ASAP1: variants seen among roughly 807,000 people sequenced by gnomAD.
ASAP1 encodes the protein ArfGAP with SH3 domain, ankyrin repeat and PH domain 1, also known as arf-GAP with SH3 domain, ANK repeat and PH domain-containing protein 1.
A neutral mutation model predicts 145.2 loss-of-function variants in ASAP1; 43 were observed. The ratio of observed to expected loss-of-function variants is 0.30; its 90% CI spans 0.23 to 0.38. ASAP1 has a LOEUF of 0.38. Ranked by LOEUF, ASAP1 falls within the 10% of genes least tolerant of loss-of-function variation. The pLI is 1.00. For synonymous variants in ASAP1, 546 were observed against 515.5 expected (o/e 1.06, Z -0.80); for missense variants, 1,018 against 1,355.3 (o/e 0.75, Z 3.91).
chr8:130,256,396 G>A, intron 3 of ASAP1, among the ~76,000 whole-genome samples: 1 of 148,358 alleles, frequency 6.7e-6, no homozygotes. Flanking sequence ...CATCTGCAGA[G>A]GATCTGGGGG....
chr8:130,296,374 GGCACACA>G (rs1822274434), intron 3 of ASAP1, among the ~76,000 whole-genome samples: 1 of 152,204 alleles, frequency 6.6e-6, no homozygotes, highest in Admixed American at 6.5e-5. Flanking sequence ...GTTCAACAAA[GGCACACA>G]GAGCTCGGGC....
At chr8:130,187,094 G>C (rs995486820) in intron 7 of ASAP1, 142 bp downstream of exon 7, 2 of 674,476 alleles carry the variant, frequency 3.0e-6, no homozygotes, top group South Asian at 3.9e-5. Flanking sequence ...GGATATGCTA[G>C]AGGATATACT....
intron 1 of ASAP1, among the ~76,000 whole-genome samples, chr8:130,406,710 T>C (rs1829047460): frequency 6.6e-6 from 1 of 152,162 alleles, no homozygotes; most frequent in African/African-American, 2.4e-5. Context: ...CTCGAACTCC[T>C]GACCTCAGGT....
chr8:130,298,785 C>G (rs958324755), intron 3 of ASAP1, among the ~76,000 whole-genome samples: 1 of 152,182 alleles, frequency 6.6e-6, no homozygotes, highest in Non-Finnish European at 1.5e-5. Flanking sequence ...TTCTTTGACT[C>G]GGGAGACAAG....
intron 3 of ASAP1, among the ~76,000 whole-genome samples, chr8:130,313,629 C>G (rs1490863414): frequency 2.6e-5 from 4 of 152,070 alleles, no homozygotes; most frequent in Non-Finnish European, 5.9e-5. Context: ...TCAACGTCCT[C>G]ACAGAAAAGC....
chr8:130,078,645 A>G (rs2097470466), intron 26 of ASAP1, among the ~76,000 whole-genome samples: 1 of 152,138 alleles, frequency 6.6e-6, no homozygotes. Context: ...TGGAAAAAGA[A>G]CACCAGAACT....
At chr8:130,380,840 CCTGAGTAG>C (rs2138385303) in intron 2 of ASAP1, among the ~76,000 whole-genome samples, 1 of 152,216 alleles carries the variant, frequency 6.6e-6, no homozygotes, top group Admixed American at 6.5e-5. Flanking sequence ...GCCTCAGATT[CCTGAGTAG>C]CTGGGAGTAC....
At chr8:130,363,511 T>C (rs976432088) in intron 2 of ASAP1, among the ~76,000 whole-genome samples, 1 of 152,250 alleles carries the variant, frequency 6.6e-6, no homozygotes, top group Non-Finnish European at 1.5e-5. Context: ...ATAAAGTAAG[T>C]ATATTTATCC....
chr8:130,361,885 ACAT>A, intron 2 of ASAP1: 1 of 741,990 alleles, frequency 1.3e-6, no homozygotes, highest in Non-Finnish European at 2.4e-6. Flanking sequence ...GTGCGCACAC[ACAT>A]ATTTGTGTGC....
chr8:130,118,718 A>G (rs765403674), intron 18 of ASAP1, 43 bp from the exon 19 acceptor site: 1 of 1,318,924 alleles, frequency 7.6e-7, no homozygotes, highest in Non-Finnish European at 1.0e-6. Context: ...TCCAAGTGCT[A>G]GGAAAGGTTT....
rs969608792 is a variant in ASAP1 at position 130,358,377 on chromosome 8, C to T, written c.60-234G>A. 6.7e-6 allele frequency among the ~76,000 whole-genome samples: 1 copy of T among 148,338 alleles called. No homozygotes were observed. Among genetic ancestry groups the T allele is most frequent in the Non-Finnish European group, 1.5e-5 (1 of 66,460 alleles). On this transcript the variant is annotated intron_variant, in intron 2 of 29. Transcript: ENST00000518721. The surrounding 1 kb of genome is among the most constrained non-coding windows in gnomAD (Gnocchi z 4.1). ...GCGCGGGGCCCTTCAAACTCCAAGC[C>T]GCGCGCGAGGCAGGGGGCTCTCCGG... is the stretch of plus-strand genomic sequence containing the variant.
intron 3 of ASAP1, among the ~76,000 whole-genome samples, chr8:130,268,291 G>T (rs1222484886): frequency 6.6e-6 from 1 of 152,086 alleles, no homozygotes; most frequent in Non-Finnish European, 1.5e-5. Flanking sequence ...CTCGAGACCA[G>T]CCTGGGAAAC....
chr8:130,318,166 T>G (rs896915956), intron 3 of ASAP1, among the ~76,000 whole-genome samples: 1 of 152,174 alleles, frequency 6.6e-6, no homozygotes, highest in Non-Finnish European at 1.5e-5. Context: ...ATTGTAGCCT[T>G]GACCGCCCAG....
intron 3 of ASAP1, among the ~76,000 whole-genome samples, chr8:130,344,819 C>G (rs557768492): frequency 6.6e-5 from 10 of 152,230 alleles, no homozygotes; most frequent in African/African-American, 2.4e-4. Context: ...GACTGAGCTA[C>G]TAGCGCAAAA....
intron 24 of ASAP1, among the ~76,000 whole-genome samples, chr8:130,111,300 G>A (rs188635031): frequency 2.1e-4 from 32 of 151,056 alleles, no homozygotes; most frequent in Admixed American, 1.5e-3. Context: ...GGAGGATCAG[G>A]ATCACTTGAG....
intron 3 of ASAP1, among the ~76,000 whole-genome samples, chr8:130,256,555 T>C (rs988211424): frequency 1.7e-4 from 26 of 151,780 alleles, no homozygotes; most frequent in African/African-American, 6.1e-4. Flanking sequence ...AGATACAAAA[T>C]ATTTTAAAAC....
At chr8:130,280,277 C>A in intron 3 of ASAP1, among the ~76,000 whole-genome samples, 1 of 152,190 alleles carries the variant, frequency 6.6e-6, no homozygotes, top group Non-Finnish European at 1.5e-5. Context: ...GAGAATCTAG[C>A]AGGATAAAAT....
chr8:130,438,606 G>C (rs1830394023), intron 1 of ASAP1, among the ~76,000 whole-genome samples: 1 of 152,216 alleles, frequency 6.6e-6, no homozygotes, highest in Non-Finnish European at 1.5e-5. Flanking sequence ...CGGGGAGCTG[G>C]TAGAGGGTTT....
intron 20 of ASAP1, among the ~76,000 whole-genome samples, chr8:130,117,786 T>C (rs1333664277): frequency 6.6e-6 from 1 of 152,240 alleles, no homozygotes; most frequent in Non-Finnish European, 1.5e-5. Context: ...GGTTAGCAAA[T>C]GTGTCCAATC....
Sources: gnomAD v4.1 joint callset for allele counts (sites outside exome capture counted in the v4.1 genomes callset) on GRCh38, gnomAD v4.1.1 for gene constraint, Gnocchi (gnomAD v3.1) non-coding constraint, MANE v1.5 for transcripts, NCBI Gene and HGNC (gene_info 2026-07-23, HGNC 2026-07-21) for gene names.